BANK1: variants seen among roughly 807,000 people sequenced by gnomAD.
The protein encoded by BANK1 is B cell scaffold protein with ankyrin repeats 1, also known as B-cell scaffold protein with ankyrin repeats.
Under a neutral mutation model 94.5 loss-of-function variants are expected in BANK1, and 95 were observed. The ratio of observed to expected loss-of-function variants is 1.00; its 90% CI spans 0.85 to 1.19. The LOEUF is 1.19. Among genes scored for constraint, BANK1 ranks in the 50% most tolerant of loss-of-function variants. BANK1 has a pLI of 0.00. For synonymous variants in BANK1, 334 were observed against 308.4 expected (o/e 1.08, Z -0.87); for missense variants, 987 against 932.2 (o/e 1.06, Z -0.77).
chr4:101,884,696 C>G lies in BANK1; in HGVS notation c.904-10609C>G, dbSNP rs565236165. Among the ~76,000 whole-genome samples, 4 of 152,298 alleles carry G rather than the reference C, an allele frequency of 2.6e-5. No homozygotes were observed. The South Asian group carries it at 8.3e-4, about 32-fold the overall frequency. ...AATATCTTCTTACATACTTACTCTACAAATTCAATCCATACTAATACATAT... is the reference window on the plus strand; with the variant it reads ...AATATCTTCTTACATACTTACTCTAGAAATTCAATCCATACTAATACATAT... On this transcript the variant is annotated intron_variant, in intron 5 of 16. Transcript: ENST00000322953.
At chr4:101,843,048 T>C in intron 2 of BANK1, among the ~76,000 whole-genome samples, 1 of 152,356 alleles carries the variant, frequency 6.6e-6, no homozygotes, top group Middle Eastern at 3.4e-3. Context: ...ATTAAAACTT[T>C]TAAAGTAAAT....
chr4:102,013,869 C>A (rs540917404), intron 7 of BANK1, among the ~76,000 whole-genome samples: 1 of 152,076 alleles, frequency 6.6e-6, no homozygotes, highest in South Asian at 2.1e-4. Context: ...AACAAAACGA[C>A]AATTTTAAGG....
intron 1 of BANK1, among the ~76,000 whole-genome samples, chr4:101,809,521 G>C (rs965726628): frequency 1.9e-4 from 29 of 152,154 alleles, no homozygotes; most frequent in African/African-American, 7.0e-4. Context: ...AGTGGATACT[G>C]TTACAAATAC....
chr4:101,791,035 T>C, intron 1 of BANK1, 85 bp downstream of exon 1: 1 of 1,139,954 alleles, frequency 8.8e-7, no homozygotes. Context: ...GTTAGACAAC[T>C]GCACTCGGGC....
At chr4:102,005,939 G>T (rs1726246317) in intron 7 of BANK1, among the ~76,000 whole-genome samples, 1 of 151,908 alleles carries the variant, frequency 6.6e-6, no homozygotes, top group African/African-American at 2.4e-5. Context: ...GCACAATATT[G>T]CGTATAAAGA....
chr4:102,007,169 T>A (rs1343408051), intron 7 of BANK1, among the ~76,000 whole-genome samples: 2 of 107,440 alleles, frequency 1.9e-5, no homozygotes, highest in African/African-American at 7.2e-5. Flanking sequence ...TATATATATA[T>A]AAAATCCCTA....
chr4:101,936,049 T>C (rs1723520396), intron 7 of BANK1, among the ~76,000 whole-genome samples: 1 of 151,116 alleles, frequency 6.6e-6, no homozygotes, highest in Non-Finnish European at 1.5e-5. Context: ...AAAGCAAAAT[T>C]GGACCACACC....
At chr4:102,067,088 T>C (rs1728618948) in intron 13 of BANK1, among the ~76,000 whole-genome samples, 1 of 152,026 alleles carries the variant, frequency 6.6e-6, no homozygotes, top group Non-Finnish European at 1.5e-5. Flanking sequence ...TCTCAAAATC[T>C]AAGTTAAAGA....
intron 6 of BANK1, among the ~76,000 whole-genome samples, chr4:101,908,685 A>G (rs1486719381): frequency 1.3e-5 from 2 of 152,230 alleles, no homozygotes; most frequent in African/African-American, 4.8e-5. Context: ...TCCAGAATCT[A>G]CAATGAACTC....
At position 101,830,139 on chromosome 4, in the gene BANK1, A is replaced by G; in HGVS notation, c.402A>G (p.Arg134=). ...LYELLNISQS[R]WEISTEQEPE... is the part of the protein sequence containing the mutation. ...AATTACTAAATATCTCTCAAAGCAG[A>G]TGGGAGATCTCAACTGAACAGGAAC... is the stretch of plus-strand genomic sequence containing the variant. Residue 134 remains arginine (R), a synonymous_variant, in exon 2 of 17, where the codon AGA becomes AGG. Coordinates refer to ENST00000322953, the MANE Select transcript of BANK1 (RefSeq NM_017935.5). The G allele has an allele frequency of 6.2e-7, 1 of 1,609,230 alleles. No individual in the cohort carries two copies.
intron 2 of BANK1, among the ~76,000 whole-genome samples, chr4:101,832,018 C>T (rs1161281863): frequency 6.6e-6 from 1 of 152,112 alleles, no homozygotes; most frequent in Non-Finnish European, 1.5e-5. Flanking sequence ...TTAATAATCC[C>T]TTGGTTGGCT....
chr4:101,806,398 G>T (rs2148852405), intron 1 of BANK1, among the ~76,000 whole-genome samples: 1 of 152,218 alleles, frequency 6.6e-6, no homozygotes, highest in African/African-American at 2.4e-5. Context: ...TAATAGGATA[G>T]ATCATCCTCC....
chr4:102,074,769 A>AATT lies in BANK1; in HGVS notation c.*772_*774dup, dbSNP rs1728869301. 6.6e-6 allele frequency: 1 copy of AATT among 152,092 alleles called. No individual in the cohort carries two copies. The highest frequency in any genetic ancestry group is 6.5e-5 in the Admixed American group (1 of 15,270). The allele number at this position is 152,092 out of a possible 1,614,324, so 9.4% of individuals were successfully genotyped here. ...TGAGTTTTTAAAGTAAATTTATAAG[A>AATT]ATTAGCCAATAAAATTGCTTCTCGG... On this transcript the variant is annotated 3_prime_UTR_variant, in exon 17 of 17. Transcript: ENST00000322953.
chr4:101,959,760 G>T (rs1203337652), intron 7 of BANK1, among the ~76,000 whole-genome samples: 1 of 152,206 alleles, frequency 6.6e-6, no homozygotes, highest in African/African-American at 2.4e-5. Context: ...CAAGGCTGGA[G>T]GAGCAGAGAT....
chr4:101,934,048 G>T (rs1354011802), intron 7 of BANK1, among the ~76,000 whole-genome samples: 2 of 151,244 alleles, frequency 1.3e-5, no homozygotes, highest in South Asian at 2.1e-4. Flanking sequence ...TTAGGGTCTG[G>T]GTGCCACTAG....
At chr4:102,018,608 A>G (rs1456993325) in intron 7 of BANK1, among the ~76,000 whole-genome samples, 1 of 152,220 alleles carries the variant, frequency 6.6e-6, no homozygotes, top group East Asian at 1.9e-4. Flanking sequence ...TTATTACATT[A>G]AACATTCTGT....
At chr4:101,866,264 T>C (rs148423057) in intron 4 of BANK1, among the ~76,000 whole-genome samples, 148 of 152,228 alleles carry the variant, frequency 9.7e-4, no homozygotes, top group African/African-American at 3.4e-3. Flanking sequence ...AAAAGAATCA[T>C]TGAATTTGAA....
chr4:101,870,426 T>C, intron 4 of BANK1, 79 bp from the exon 5 acceptor site: 1 of 1,290,744 alleles, frequency 7.7e-7, no homozygotes. Flanking sequence ...TAAAGGCTTC[T>C]TTTATATTCT....
At chr4:101,832,305 T>C (rs1172020685) in intron 2 of BANK1, among the ~76,000 whole-genome samples, 1 of 152,220 alleles carries the variant, frequency 6.6e-6, no homozygotes, top group Non-Finnish European at 1.5e-5. Context: ...GGACATGCTT[T>C]CTTATTTTTG....
Sources: gnomAD v4.1 joint callset for allele counts (sites outside exome capture counted in the v4.1 genomes callset) on GRCh38, gnomAD v4.1.1 for gene constraint, MANE v1.5 for transcripts, NCBI Gene and HGNC (gene_info 2026-07-23, HGNC 2026-07-21) for gene names.